AFG1L: variants seen among roughly 807,000 people sequenced by gnomAD.
AFG1L encodes AFG1-like ATPase.
In AFG1L, 53 loss-of-function variants were observed where a neutral mutation model predicts 62.2. The ratio of observed to expected loss-of-function variants is 0.85; its 90% CI spans 0.68 to 1.07. AFG1L has a LOEUF of 1.07. Ranked by LOEUF, AFG1L falls within the 50% of genes least tolerant of loss-of-function variation. AFG1L has a pLI of 0.00. For missense variants in AFG1L, 555 were observed against 590.5 expected (o/e 0.94, Z 0.62); for synonymous variants, 228 against 210.3 (o/e 1.08, Z -0.73).
chr6:108,298,259 AATT>A (rs1165589799), intron 1 of AFG1L, among the ~76,000 whole-genome samples: 1 of 143,278 alleles, frequency 7.0e-6, no homozygotes, highest in African/African-American at 2.7e-5. Context: ...AGAGGGGAAG[AATT>A]TTTTTTTTTT....
chr6:108,360,154 T>G (rs1779466551), intron 5 of AFG1L, among the ~76,000 whole-genome samples: 1 of 152,188 alleles, frequency 6.6e-6, no homozygotes, highest in Non-Finnish European at 1.5e-5. Context: ...GGGCTTGTAC[T>G]CTAACGGGGA....
chr6:108,337,455 G>C (rs551725720), intron 2 of AFG1L, among the ~76,000 whole-genome samples: 2 of 152,262 alleles, frequency 1.3e-5, no homozygotes, highest in African/African-American at 4.8e-5. Context: ...TCTATTCCGT[G>C]AGTTCCTTGG....
chr6:108,400,713 TTA>T (rs1781541819), intron 6 of AFG1L, among the ~76,000 whole-genome samples: 1 of 124,232 alleles, frequency 8.0e-6, no homozygotes, highest in East Asian at 2.1e-4. Flanking sequence ...TTATATATAT[TTA>T]ATATATATTA....
At chr6:108,308,437 C>T (rs140147652) in intron 1 of AFG1L, among the ~76,000 whole-genome samples, 317 of 152,274 alleles carry the variant, frequency 2.1e-3, no homozygotes, top group African/African-American at 7.3e-3. Context: ...CAGCATGAGC[C>T]ACTGTGTCCA....
chr6:108,378,640 G>A (rs749061416), intron 6 of AFG1L, among the ~76,000 whole-genome samples: 11 of 151,932 alleles, frequency 7.2e-5, no homozygotes, highest in Non-Finnish European at 1.0e-4. Flanking sequence ...TTCCTTATCT[G>A]TTATTTCTGA....
rs1257214157 is a variant in AFG1L at position 108,346,169 on chromosome 6, C to T, written c.364-819C>T. The stretch of plus-strand genomic sequence containing the variant: ...TTCCAATTTCCTTTTGTGGTAAATA[C>T]ACACATAAGATTTACCATCTTAATC... On this transcript the variant is annotated intron_variant, in intron 2 of 12. Transcript: ENST00000368977. 3.9e-5 allele frequency among the ~76,000 whole-genome samples: 6 copies of T among 152,136 alleles called. No individual in the cohort carries two copies. In the East Asian group the frequency reaches 1.2e-3, roughly 29 times the overall value.
chr6:108,368,916 C>T (rs559199330), intron 6 of AFG1L, among the ~76,000 whole-genome samples: 14 of 152,218 alleles, frequency 9.2e-5, no homozygotes, highest in African/African-American at 3.4e-4. Flanking sequence ...GCTGGAGCCA[C>T]CCTTCTGGAG....
chr6:108,347,426 T>C (rs1461241700), intron 3 of AFG1L, among the ~76,000 whole-genome samples: 1 of 152,252 alleles, frequency 6.6e-6, no homozygotes, highest in Non-Finnish European at 1.5e-5. Context: ...TCCATTAATA[T>C]TTCTAGTCAT....
At chr6:108,335,547 C>T (rs1778445242) in intron 2 of AFG1L, among the ~76,000 whole-genome samples, 1 of 152,178 alleles carries the variant, frequency 6.6e-6, no homozygotes, top group Non-Finnish European at 1.5e-5. Flanking sequence ...CCTGGAAGGC[C>T]AGTTTAATTT....
intron 10 of AFG1L, among the ~76,000 whole-genome samples, chr6:108,487,724 G>A (rs1773625722): frequency 6.6e-6 from 1 of 152,184 alleles, no homozygotes; most frequent in Admixed American, 6.5e-5. Context: ...AAGGTGAGCA[G>A]AATTTAGATG....
chr6:108,510,438 C>A, intron 11 of AFG1L, 86 bp downstream of exon 11: 1 of 969,042 alleles, frequency 1.0e-6, no homozygotes, highest in Non-Finnish European at 1.5e-6. Context: ...ACTTAACATA[C>A]TTCTATCACT....
chr6:108,335,780 A>G (rs1582394195), intron 2 of AFG1L, among the ~76,000 whole-genome samples: 1 of 152,234 alleles, frequency 6.6e-6, no homozygotes, highest in African/African-American at 2.4e-5. Flanking sequence ...CCAGAAAACT[A>G]GCCCGCTGTC....
intron 8 of AFG1L, among the ~76,000 whole-genome samples, chr6:108,461,603 G>A (rs185459860): frequency 7.9e-5 from 12 of 152,102 alleles, no homozygotes; most frequent in Admixed American, 5.2e-4. Context: ...CTACAGGCAC[G>A]TGCCACTATG....
intron 10 of AFG1L, among the ~76,000 whole-genome samples, chr6:108,487,714 A>C (rs1278492473): frequency 6.6e-6 from 1 of 152,208 alleles, no homozygotes. Context: ...TTGACCTGGA[A>C]AGGTGAGCAG....
chr6:108,499,768 A>G (rs1016739073), intron 10 of AFG1L, among the ~76,000 whole-genome samples: 17 of 151,956 alleles, frequency 1.1e-4, no homozygotes, highest in African/African-American at 4.1e-4. Flanking sequence ...ATCACCCCCA[A>G]AAAAACCTGA....
At chr6:108,318,286 C>A in intron 1 of AFG1L, 1 of 296,932 alleles carries the variant, frequency 3.4e-6, no homozygotes, top group Non-Finnish European at 5.9e-6. Context: ...ACAAAGAAGA[C>A]TGTGCTGAGC....
rs747151055 is a variant in AFG1L, at chr6:108,324,010, A to G, written c.325A>G (p.Lys109Glu). 3 of 1,614,002 alleles carry G rather than the reference A, an allele frequency of 1.9e-6. No individual in the cohort carries two copies. In the African/African-American group the frequency reaches 4.0e-5, roughly 22 times the overall value. Residue 109 changes from lysine to glutamate, a missense_variant, in exon 2 of 13, where the codon AAA (lysine) becomes GAA (glutamate). Transcript: ENST00000368977. ...TTTGCAGAAATTACACGAGGACCTT[A>G]AAGGATACAATATAGAGGCAGAAGG... ...QCLQKLHEDL[K>E]GYNIEAEGLF...
At position 108,399,199 on chromosome 6, in the gene AFG1L, T is replaced by G. The variant is rs1344991881; in HGVS notation, c.749-2797T>G. Among the ~76,000 whole-genome samples the G allele has an allele frequency of 1.6e-4, 21 of 134,348 alleles. 1 individual carries two copies. The highest frequency in any genetic ancestry group is 1.1e-3 in the Admixed American group (14 of 13,166). The allele number at this position is 134,348 out of a possible 152,430, so 88.1% of individuals were successfully genotyped here. On this transcript the variant is annotated intron_variant, in intron 6 of 12. Coordinates refer to ENST00000368977, the MANE Select transcript of AFG1L (RefSeq NM_145315.5). ...GTTTGTTTTTTTTTTTTTTTTTTTT[T>G]TTTTTTTGAGACGGAGTCTCACTCT...
At chr6:108,365,971 A>G (rs538378992) in intron 5 of AFG1L, among the ~76,000 whole-genome samples, 1 of 152,070 alleles carries the variant, frequency 6.6e-6, no homozygotes, top group Non-Finnish European at 1.5e-5. Context: ...TATGCTTTCC[A>G]CCTGTAGTTC....
Sources: gnomAD v4.1 joint callset for allele counts (sites outside exome capture counted in the v4.1 genomes callset) on GRCh38, gnomAD v4.1.1 for gene constraint, MANE v1.5 for transcripts, NCBI Gene and HGNC (gene_info 2026-07-23, HGNC 2026-07-21) for gene names.